The following WIPI2 variants were observed in gnomAD, a reference collection of about 807,000 sequenced individuals.
WIPI2 encodes WD repeat domain, phosphoinositide interacting 2.
A neutral mutation model predicts 52.3 loss-of-function variants in WIPI2; 28 were observed. The observed-to-expected ratio is 0.54, with a 90% CI of 0.40 to 0.73. The LOEUF is 0.73. Among genes scored for constraint, WIPI2 ranks in the 30% least tolerant of loss-of-function variants. WIPI2 has a pLI of 0.00. For synonymous variants in WIPI2, 268 were observed against 245.0 expected (o/e 1.09, Z -0.88); for missense variants, 506 against 602.9 (o/e 0.84, Z 1.68).
intron 12 of WIPI2, among the ~76,000 whole-genome samples, chr7:5,229,960 G>A (rs558788142): frequency 1.3e-5 from 2 of 151,182 alleles, no homozygotes; most frequent in African/African-American, 2.4e-5. Flanking sequence ...AGGAGAGATG[G>A]GGTTTCCCTA....
At position 5,190,276 on chromosome 7, in the gene WIPI2, G is replaced by C. The variant is rs1781405603; in HGVS notation, c.-144G>C. The stretch of plus-strand genomic sequence containing the variant: ...CTGGAGCATAAACAAGAGCGGGGAC[G>C]GGATGAGGCGGCGGTTGATCCCAGG... On this transcript the variant is annotated 5_prime_UTR_variant, in exon 1 of 13. Transcript: ENST00000288828. The C allele has an allele frequency of 5.0e-6, 2 of 399,486 alleles. No homozygotes were observed. Among genetic ancestry groups the C allele is most frequent in the Admixed American group, 5.0e-5 (1 of 19,846 alleles). 24.7% of individuals were successfully genotyped at this position (399,486 alleles called of 1,614,324 possible).
intron 2 of WIPI2, among the ~76,000 whole-genome samples, chr7:5,194,393 C>T (rs904947400): frequency 3.9e-5 from 6 of 152,076 alleles, no homozygotes; most frequent in African/African-American, 7.2e-5. Context: ...AGAGTCTTTA[C>T]GGACTGACGA....
Position 5,227,154 on chromosome 7 carries a change from A to G in WIPI2, c.849-26A>G. 1 of 1,613,264 alleles carries G rather than the reference A, an allele frequency of 6.2e-7. No individual in the cohort carries two copies. The highest frequency in any genetic ancestry group is 2.2e-5 in the East Asian group (1 of 44,876). On this transcript the variant is annotated intron_variant, in intron 9 of 12. Transcript: ENST00000288828. The surrounding 1 kb of genome is among the most constrained non-coding windows in gnomAD (Gnocchi z 8.1). Reference sequence around the variant, plus strand: ...GTCCCCCCAGGGAGGGTGCAGCTTCATGTGTCTGGTGGCCTTTCCTTCCAG... The same window carrying G: ...GTCCCCCCAGGGAGGGTGCAGCTTCGTGTGTCTGGTGGCCTTTCCTTCCAG...
intron 3 of WIPI2, among the ~76,000 whole-genome samples, chr7:5,209,727 C>G (rs1430785236): frequency 1.3e-5 from 2 of 152,090 alleles, no homozygotes; most frequent in Admixed American, 1.3e-4. Flanking sequence ...CCTTCTCTTT[C>G]CTTCTTCAGG....
In WIPI2 at chr7:5,233,636, G is replaced by C. The variant is rs376765091; in HGVS notation, c.*2689G>C. 132 of 152,562 alleles carry C rather than the reference G, an allele frequency of 8.7e-4. 1 individual carries two copies. The highest frequency in any genetic ancestry group is 3.1e-3 in the African/African-American group (128 of 41,518). 9.5% of individuals were successfully genotyped at this position (152,562 alleles called of 1,614,324 possible). On this transcript the variant is annotated 3_prime_UTR_variant, in exon 13 of 13. Coordinates refer to ENST00000288828, the MANE Select transcript of WIPI2 (RefSeq NM_015610.4). ...GTCAAAAAGAACTGCTTCAGTCCCC[G>C]CTGTACCGCCTGCCTAGCTGTGGGA...
intron 3 of WIPI2, among the ~76,000 whole-genome samples, chr7:5,208,026 A>C (rs1056754007): frequency 6.6e-6 from 1 of 152,148 alleles, no homozygotes; most frequent in Non-Finnish European, 1.5e-5. Context: ...TCGACCTCCC[A>C]AAGTGCTGGG....
chr7:5,230,765 C>G lies in WIPI2; in HGVS notation c.1253-70C>G. 1 of 1,170,358 alleles carries G rather than the reference C, an allele frequency of 8.5e-7. No individual in the cohort carries two copies. The highest frequency in any genetic ancestry group is 1.5e-5 in the South Asian group (1 of 68,076). The allele number at this position is 1,170,358 out of a possible 1,614,324, so 72.5% of individuals were successfully genotyped here. A position where few individuals can be genotyped will look rare whatever the true frequency, so the allele number is the denominator to read the frequency against. On this transcript the variant is annotated intron_variant, in intron 12 of 12. Transcript: ENST00000288828. This position sits in a 1 kb window ranked among gnomAD's most constrained non-coding sequence, Gnocchi z 4.8. Reference sequence around the variant, plus strand: ...ACACCAGTGTTTCCAAAACACAGTCCTCAGTGTGTGTCATGGGGTCTGTGG... The same window carrying G: ...ACACCAGTGTTTCCAAAACACAGTCGTCAGTGTGTGTCATGGGGTCTGTGG...
At chr7:5,206,234 C>T (rs1221478857) in intron 3 of WIPI2, among the ~76,000 whole-genome samples, 2 of 152,088 alleles carry the variant, frequency 1.3e-5, no homozygotes, top group Non-Finnish European at 2.9e-5. Flanking sequence ...AGGAATCCCT[C>T]CCTTGCATTA....
chr7:5,219,060 G>T (rs574166057), intron 7 of WIPI2: 3 of 152,170 alleles, frequency 2.0e-5, no homozygotes, highest in African/African-American at 7.2e-5. Context: ...TTGTTCTTCA[G>T]TCTCACACCC....
At chr7:5,199,238 C>G (rs533627366) in intron 2 of WIPI2, among the ~76,000 whole-genome samples, 1 of 152,264 alleles carries the variant, frequency 6.6e-6, no homozygotes, top group South Asian at 2.1e-4. Flanking sequence ...GATGGAGTGT[C>G]AGTATTTTGC....
intron 1 of WIPI2, among the ~76,000 whole-genome samples, chr7:5,192,512 A>G (rs556683828): frequency 6.6e-6 from 1 of 152,330 alleles, no homozygotes; most frequent in African/African-American, 2.4e-5. Context: ...GGCCTGAAAT[A>G]GGACCTTTTC....
chr7:5,226,763 C>T (rs1453185201), intron 9 of WIPI2: 2 of 150,728 alleles, frequency 1.3e-5, no homozygotes, highest in Non-Finnish European at 2.9e-5. Flanking sequence ...CCGCCCTCCC[C>T]CCCAAAAAAG....
rs529611178 is a variant in WIPI2 at position 5,230,514 on chromosome 7, T to C, written c.1253-321T>C. On this transcript the variant is annotated intron_variant, in intron 12 of 12. Transcript: ENST00000288828. This position sits in a 1 kb window ranked among gnomAD's most constrained non-coding sequence, Gnocchi z 4.8. ...TCATGAGCCCACCCTGAGAGTCTCC[T>C]AGTGTCATTTTTTTTCCTGGTGTTA... Among the ~76,000 whole-genome samples the C allele has an allele frequency of 2.1e-4, 32 of 152,314 alleles. No homozygotes were observed. Among genetic ancestry groups the C allele is most frequent in the Non-Finnish European group, 4.1e-4 (28 of 68,024 alleles).
At position 5,231,106 on chromosome 7, in the gene WIPI2, G is replaced by T. The variant is rs964568602; in HGVS notation, c.*159G>T. The T allele has an allele frequency of 8.6e-6, 4 of 464,584 alleles. No individual in the cohort carries two copies. The highest frequency in any genetic ancestry group is 4.0e-5 in the African/African-American group (2 of 49,436). 28.8% of individuals were successfully genotyped at this position (464,584 alleles called of 1,614,324 possible). On this transcript the variant is annotated 3_prime_UTR_variant, in exon 13 of 13. Transcript: ENST00000288828. ...TGTAGTGGTAGTCTAACTCCATAAC[G>T]CTGAGGAAATACATCATTTTCACTT...
intron 3 of WIPI2, among the ~76,000 whole-genome samples, chr7:5,213,714 C>CT (rs1782674276): frequency 6.6e-6 from 1 of 152,112 alleles, no homozygotes; most frequent in Admixed American, 6.6e-5. Flanking sequence ...GAGATGGAGT[C>CT]TCGCTCTGTG....
At position 5,232,552 on chromosome 7, in the gene WIPI2, C is replaced by T. The variant is rs946903916; in HGVS notation, c.*1605C>T. 5 of 378,002 alleles carry T rather than the reference C, an allele frequency of 1.3e-5. No individual in the cohort carries two copies. The highest frequency in any genetic ancestry group is 4.5e-5 in the Admixed American group (1 of 21,986). 23.4% of individuals were successfully genotyped at this position (378,002 alleles called of 1,614,324 possible). A position where few individuals can be genotyped will look rare whatever the true frequency, so the allele number is the denominator to read the frequency against. ...CTTTGATGAAATGGGATCCCGGTCA[C>T]GCAGGCTGAGACAGTGGGGACCGCC... On this transcript the variant is annotated 3_prime_UTR_variant, in exon 13 of 13. Coordinates refer to ENST00000288828, the MANE Select transcript of WIPI2 (RefSeq NM_015610.4).
intron 7 of WIPI2, 99 bp downstream of exon 7, chr7:5,218,113 T>TC (rs2115284367): frequency 7.8e-7 from 1 of 1,287,196 alleles, no homozygotes; most frequent in African/African-American, 1.5e-5. Context: ...GTCCTATACT[T>TC]ACCAGCTCCG....
At chr7:5,196,145 G>C (rs1781735565) in intron 2 of WIPI2, among the ~76,000 whole-genome samples, 1 of 152,052 alleles carries the variant, frequency 6.6e-6, no homozygotes, top group South Asian at 2.1e-4. Context: ...TTCGAGACCA[G>C]ACTGACCAAC....
At chr7:5,195,270 T>TGAGTTCAG (rs1781691456) in intron 2 of WIPI2, among the ~76,000 whole-genome samples, 1 of 152,046 alleles carries the variant, frequency 6.6e-6, no homozygotes, top group Non-Finnish European at 1.5e-5. Context: ...GAGGATCCCT[T>TGAGTTCAG]GAGTTCAGGA....
Sources: allele counts gnomAD v4.1 joint callset (sites outside exome capture counted in the v4.1 genomes callset), GRCh38; gene constraint gnomAD v4.1.1; non-coding constraint Gnocchi (gnomAD v3.1); transcripts MANE v1.5; gene names NCBI Gene and HGNC (gene_info 2026-07-23, HGNC 2026-07-21).